ZNF469: variants seen among roughly 807,000 people sequenced by gnomAD.
ZNF469 encodes zinc finger protein 469.
ZNF469 carries 1 observed loss-of-function variant against 1.0 expected under a neutral mutation model. The observed-to-expected ratio is 1.00, with a 90% CI of 0.35 to 4.73. The LOEUF is 4.73. ZNF469 is among the 30% of genes most tolerant of loss of function. The probability of loss-of-function intolerance (pLI) is 0.16; values close to 1 mark genes in which losing one functional copy is unlikely to be tolerated. For synonymous variants in ZNF469, 2,703 were observed against 2,363.4 expected (o/e 1.14, Z -4.17); for missense variants, 6,100 against 5,356.3 (o/e 1.14, Z -4.33).
At chr16:88,427,181 G>T (rs1905746685) in intron 2 of ZNF469, among the ~76,000 whole-genome samples, 164 bp from the exon 3 acceptor site, 1 of 152,116 alleles carries the variant, frequency 6.6e-6, no homozygotes, top group African/African-American at 2.4e-5. Flanking sequence ...CTAGGTAGGG[G>T]CTGAGCCGAG....
the ZNF469 span, among the ~76,000 whole-genome samples, chr16:88,159,387 G>A: frequency 5.9e-5 from 9 of 152,252 alleles, no homozygotes; most frequent in African/African-American, 9.6e-5. Flanking sequence ...CGTCTCTACC[G>A]TGCCACGGCT....
the ZNF469 span, among the ~76,000 whole-genome samples, chr16:88,158,675 A>T: frequency 6.6e-6 from 1 of 152,188 alleles, no homozygotes; most frequent in Non-Finnish European, 1.5e-5. Context: ...GAATGTGGCC[A>T]CCGCTGCCCC....
At chr16:88,193,916 T>C in the ZNF469 span, among the ~76,000 whole-genome samples, 1 of 152,156 alleles carries the variant, frequency 6.6e-6, no homozygotes, top group Non-Finnish European at 1.5e-5. Flanking sequence ...ACTCATCCCA[T>C]TAATGAGGGC....
At chr16:88,133,048 C>A in the ZNF469 span, among the ~76,000 whole-genome samples, 1 of 152,192 alleles carries the variant, frequency 6.6e-6, no homozygotes, top group Non-Finnish European at 1.5e-5. Flanking sequence ...GGAGGGTCAC[C>A]ACACACAGGT....
At chr16:88,137,384 T>A in the ZNF469 span, among the ~76,000 whole-genome samples, 1 of 152,208 alleles carries the variant, frequency 6.6e-6, no homozygotes, top group Non-Finnish European at 1.5e-5. Context: ...TACCACCATG[T>A]GTGCGGTTGT....
the ZNF469 span, among the ~76,000 whole-genome samples, chr16:88,185,554 C>G: frequency 6.6e-6 from 1 of 152,152 alleles, no homozygotes; most frequent in African/African-American, 2.4e-5. Flanking sequence ...CACATTCGCA[C>G]TCACACACAC....
In ZNF469 at chr16:88,434,471, C is replaced by T; in HGVS notation, c.7001C>T (p.Thr2334Ile). The change falls in exon 3 of 3, where the codon ACT (threonine) becomes ATT (isoleucine). Residue 2334 changes from threonine (T) to isoleucine (I), a missense_variant. Physicochemically the swap from Thr to Ile is moderately conservative, Grantham distance 89 (BLOSUM62 -1). Transcript: ENST00000565624. ...CACTCCTCGTATTCTCCAAGCAATA[C>T]TGCCCGCCTCGGCCACAGGGAGGGC... ...RGHSSYSPSN[T>I]ARLGHREGQA... 6.5e-7 allele frequency: 1 copy of T among 1,549,948 alleles called. No homozygotes were observed. Among genetic ancestry groups the T allele is most frequent in the Middle Eastern group, 1.7e-4 (1 of 5,992 alleles).
At chr16:88,176,640 T>A in the ZNF469 span, among the ~76,000 whole-genome samples, 1 of 150,648 alleles carries the variant, frequency 6.6e-6, no homozygotes, top group Non-Finnish European at 1.5e-5. Flanking sequence ...AAAAAAAAAA[T>A]GAAGGTGGGG....
Position 88,430,520 on chromosome 16 carries a change from C to A in ZNF469, c.3050C>A (p.Ala1017Asp). Residue 1017 changes from alanine to aspartate, a missense_variant, in exon 3 of 3, where the codon GCC (alanine) becomes GAC (aspartate). By Grantham distance (126) the Ala-to-Asp change is moderately radical (BLOSUM62 -2). Coordinates refer to ENST00000565624, the MANE Select transcript of ZNF469 (RefSeq NM_001367624.2). The stretch of plus-strand genomic sequence containing the variant: ...GCGCCCCGGGTCCCGAGAGCCGCCG[C>A]CCTCCCCGAGGAGACCCGCAGCTCC... ...DPAPRVPRAA[A>D]LPEETRSSRR... The A allele has an allele frequency of 7.0e-7, 1 of 1,434,348 alleles. No individual in the cohort carries two copies. Among genetic ancestry groups the A allele is most frequent in the Non-Finnish European group, 9.1e-7 (1 of 1,103,886 alleles). 88.9% of individuals were successfully genotyped at this position (1,434,348 alleles called of 1,614,324 possible). A position where few individuals can be genotyped will look rare whatever the true frequency, so the allele number is the denominator to read the frequency against.
chr16:88,356,396 A>T, the ZNF469 span, among the ~76,000 whole-genome samples: 1 of 152,126 alleles, frequency 6.6e-6, no homozygotes, highest in African/African-American at 2.4e-5. Context: ...GCAGGGCTCC[A>T]TGCAGGAGCC....
chr16:88,200,385 C>T, the ZNF469 span, among the ~76,000 whole-genome samples: 4 of 152,210 alleles, frequency 2.6e-5, no homozygotes, highest in African/African-American at 9.6e-5. Context: ...AAACCACACG[C>T]TCCAATGCTC....
At chr16:88,406,400 G>A (rs1234650113) in intron 1 of ZNF469, among the ~76,000 whole-genome samples, 4 of 152,204 alleles carry the variant, frequency 2.6e-5, no homozygotes, top group South Asian at 4.1e-4. Context: ...TGCCCCCCAC[G>A]CTGGGAAGCC....
At chr16:88,142,221 G>A in the ZNF469 span, among the ~76,000 whole-genome samples, 1 of 152,236 alleles carries the variant, frequency 6.6e-6, no homozygotes, top group Admixed American at 6.5e-5. Flanking sequence ...CTTCCTGCAA[G>A]ACCCGGCTGG....
the ZNF469 span, among the ~76,000 whole-genome samples, chr16:88,131,759 C>G: frequency 2.8e-4 from 42 of 152,360 alleles, no homozygotes; most frequent in African/African-American, 1.0e-3. Context: ...GACACTCTGT[C>G]CAGGGATGGG....
intron 1 of ZNF469, among the ~76,000 whole-genome samples, chr16:88,395,614 T>C (rs972749719): frequency 4.6e-5 from 7 of 152,086 alleles, no homozygotes; most frequent in African/African-American, 1.4e-4. Context: ...GGGATCCTCA[T>C]GGAAGCCCTG....
rs1327764227 is a variant in ZNF469 at position 88,431,825 on chromosome 16, C to T, written c.4355C>T (p.Ser1452Phe). The change falls in exon 3 of 3, where the codon TCC (serine) becomes TTC (phenylalanine). Residue 1452 changes from serine (S) to phenylalanine (F), a missense_variant. Ser to Phe is a radical substitution (Grantham distance 155). Transcript: ENST00000565624. ...GCTGCATCGCCACCGACCTTGGAGT[C>T]CTCATCCCTCTTCCCAGACCTGCCG... ...GRAASPPTLESSSLFPDLPVD... is the reference protein window; with the variant it reads ...GRAASPPTLEFSSLFPDLPVD... 1.9e-6 allele frequency: 3 copies of T among 1,549,674 alleles called. No individual in the cohort carries two copies. The highest frequency in any genetic ancestry group is 2.7e-5 in the African/African-American group (2 of 73,058).
At chr16:88,108,792 C>G in the ZNF469 span, among the ~76,000 whole-genome samples, 2 of 152,202 alleles carry the variant, frequency 1.3e-5, no homozygotes. Context: ...CCTCACTCCC[C>G]AAGACCTCCT....
the ZNF469 span, among the ~76,000 whole-genome samples, chr16:88,153,846 A>C: frequency 6.6e-6 from 1 of 152,186 alleles, no homozygotes; most frequent in Non-Finnish European, 1.5e-5. Flanking sequence ...AGAGTGAGAG[A>C]GAGAAGGGGA....
chr16:88,400,199 T>C (rs1904814968), intron 1 of ZNF469, among the ~76,000 whole-genome samples: 2 of 152,346 alleles, frequency 1.3e-5, no homozygotes, highest in African/African-American at 4.8e-5. Flanking sequence ...GGCTGGCATC[T>C]GGATCAGCAG....
Sources: gnomAD v4.1 joint callset for allele counts (sites outside exome capture counted in the v4.1 genomes callset) on GRCh38, gnomAD v4.1.1 for gene constraint, MANE v1.5 for transcripts, NCBI Gene and HGNC (gene_info 2026-07-23, HGNC 2026-07-21) for gene names.